The following MACROD2 variants were observed in gnomAD, a reference collection of about 807,000 sequenced individuals.
MACROD2 encodes the protein ADP-ribose glycohydrolase MACROD2.
MACROD2 carries 36 observed loss-of-function variants against 70.4 expected under a neutral mutation model. The ratio of observed to expected loss-of-function variants is 0.51; its 90% CI spans 0.39 to 0.68. MACROD2 has a LOEUF of 0.68. Among genes scored for constraint, MACROD2 ranks in the 30% least tolerant of loss-of-function variants. The pLI is 0.00. For missense variants in MACROD2, 496 were observed against 538.4 expected (o/e 0.92, Z 0.78); for synonymous variants, 172 against 178.8 (o/e 0.96, Z 0.30).
At chr20:14,553,086 A>AG (rs1320303832) in intron 4 of MACROD2, among the ~76,000 whole-genome samples, 4 of 151,966 alleles carry the variant, frequency 2.6e-5, no homozygotes, top group Admixed American at 1.3e-4. Flanking sequence ...TTGTAATAAT[A>AG]CTTAGATTAA....
At chr20:14,984,799 T>C (rs2074834041) in intron 5 of MACROD2, among the ~76,000 whole-genome samples, 1 of 152,116 alleles carries the variant, frequency 6.6e-6, no homozygotes, top group African/African-American at 2.4e-5. Flanking sequence ...TGGGGGCATC[T>C]CGTCTGAGGA....
At chr20:14,108,221 G>A (rs565888329) in intron 3 of MACROD2, among the ~76,000 whole-genome samples, 14 of 151,826 alleles carry the variant, frequency 9.2e-5, no homozygotes, top group Admixed American at 5.9e-4. Context: ...ATGTTTGCAC[G>A]CCTCACGGTA....
chr20:15,205,690 G>T (rs1037771327), intron 5 of MACROD2, among the ~76,000 whole-genome samples: 22 of 152,220 alleles, frequency 1.4e-4, no homozygotes, highest in Non-Finnish European at 2.8e-4. Flanking sequence ...TAGAGGTAGA[G>T]AATTTAAATC....
chr20:15,051,426 G>A (rs905197311), intron 5 of MACROD2, among the ~76,000 whole-genome samples: 6 of 150,414 alleles, frequency 4.0e-5, no homozygotes, highest in Middle Eastern at 3.4e-3. Context: ...TCCAAAATCC[G>A]TAGAACTGGG....
At chr20:15,096,498 T>C (rs1186885538) in intron 5 of MACROD2, among the ~76,000 whole-genome samples, 1 of 137,376 alleles carries the variant, frequency 7.3e-6, no homozygotes, top group Non-Finnish European at 1.6e-5. Flanking sequence ...ATATATATAA[T>C]ATATGTTTTT....
intron 8 of MACROD2, among the ~76,000 whole-genome samples, chr20:15,754,920 G>A (rs1050193697): frequency 2.0e-5 from 3 of 151,558 alleles, no homozygotes; most frequent in African/African-American, 7.3e-5. Context: ...GTCCAGTGGT[G>A]TAATCTTGGC....
At chr20:14,706,839 T>A (rs902103520) in intron 5 of MACROD2, among the ~76,000 whole-genome samples, 2 of 152,030 alleles carry the variant, frequency 1.3e-5, no homozygotes, top group African/African-American at 4.8e-5. Context: ...TTCAGTTCAG[T>A]CCTCATTCTA....
chr20:15,463,058 A>G (rs2046839638), intron 7 of MACROD2, among the ~76,000 whole-genome samples: 1 of 152,240 alleles, frequency 6.6e-6, no homozygotes, highest in Non-Finnish European at 1.5e-5. Context: ...GAAACATGCT[A>G]TTCATGATAA....
chr20:15,219,616 A>G (rs1343229200), intron 5 of MACROD2, among the ~76,000 whole-genome samples: 1 of 152,212 alleles, frequency 6.6e-6, no homozygotes, highest in African/African-American at 2.4e-5. Context: ...TAAATACAAC[A>G]GTTCCTTAAG....
At chr20:15,364,244 C>G (rs2045372742) in intron 6 of MACROD2, among the ~76,000 whole-genome samples, 1 of 152,146 alleles carries the variant, frequency 6.6e-6, no homozygotes, top group Admixed American at 6.5e-5. Context: ...TTCCTCCATC[C>G]CCCTTCCTAC....
chr20:14,954,168 T>G (rs2122739162), intron 5 of MACROD2, among the ~76,000 whole-genome samples: 1 of 152,184 alleles, frequency 6.6e-6, no homozygotes, highest in Non-Finnish European at 1.5e-5. Flanking sequence ...GCTTTCTAAA[T>G]GAAAATCAAT....
At chr20:14,248,309 GGCACAGT>G in intron 3 of MACROD2, among the ~76,000 whole-genome samples, 1 of 152,300 alleles carries the variant, frequency 6.6e-6, no homozygotes, top group African/African-American at 2.4e-5. Flanking sequence ...TATATGGCCA[GGCACAGT>G]GGCTCAGCCT....
At chr20:14,853,098 T>C (rs1361700832) in intron 5 of MACROD2, among the ~76,000 whole-genome samples, 3 of 152,004 alleles carry the variant, frequency 2.0e-5, no homozygotes, top group Admixed American at 6.6e-5. Context: ...GGAAATTCTA[T>C]AGTGTTTTAA....
At chr20:14,188,832 A>G (rs1413662336) in intron 3 of MACROD2, among the ~76,000 whole-genome samples, 1 of 152,184 alleles carries the variant, frequency 6.6e-6, no homozygotes, top group Non-Finnish European at 1.5e-5. Context: ...AACACAGCCT[A>G]CATTTTCATC....
intron 1 of MACROD2, among the ~76,000 whole-genome samples, chr20:13,998,816 G>A (rs1434096502): frequency 2.0e-5 from 3 of 151,994 alleles, no homozygotes; most frequent in Non-Finnish European, 4.4e-5. Flanking sequence ...TTAGCCGGTC[G>A]TGGTGGCACA....
At chr20:15,113,996 A>G (rs2123228983) in intron 5 of MACROD2, among the ~76,000 whole-genome samples, 1 of 152,270 alleles carries the variant, frequency 6.6e-6, no homozygotes, top group South Asian at 2.1e-4. Context: ...AAGGAGTTAA[A>G]GCTGGTGCCT....
intron 15 of MACROD2, among the ~76,000 whole-genome samples, chr20:15,992,957 T>C (rs1027649679): frequency 6.6e-6 from 1 of 152,200 alleles, no homozygotes; most frequent in African/African-American, 2.4e-5. Flanking sequence ...AATGTGTACC[T>C]TCATCTAAAC....
intron 9 of MACROD2, among the ~76,000 whole-genome samples, chr20:15,877,456 CT>C (rs34554416): frequency 2.6e-5 from 4 of 151,662 alleles, no homozygotes; most frequent in East Asian, 3.9e-4. Context: ...AAAAAGTTCC[CT>C]TTTTTTTAAA....
At chr20:14,932,542 G>A (rs560758331) in intron 5 of MACROD2, among the ~76,000 whole-genome samples, 1 of 152,140 alleles carries the variant, frequency 6.6e-6, no homozygotes, top group East Asian at 1.9e-4. Flanking sequence ...GATCCTGAAG[G>A]AACATTTAAA....
Sources: gnomAD v4.1 joint callset for allele counts (sites outside exome capture counted in the v4.1 genomes callset) on GRCh38, gnomAD v4.1.1 for gene constraint, MANE v1.5 for transcripts, NCBI Gene and HGNC (gene_info 2026-07-23, HGNC 2026-07-21) for gene names.